The following HTR1D variants were observed in gnomAD, a reference collection of about 807,000 sequenced individuals.
HTR1D encodes the protein 5-HT-1D.
A neutral mutation model predicts 21.1 loss-of-function variants in HTR1D; 18 were observed. That is an observed-to-expected ratio of 0.85 (90% CI 0.59 to 1.27). The LOEUF is 1.27. HTR1D is among the 50% of genes most tolerant of loss of function. The pLI is 0.00. For synonymous variants in HTR1D, 196 were observed against 204.4 expected, an observed-to-expected ratio of 0.96 and a Z score of 0.35; for missense variants, 456 against 481.4, an observed-to-expected ratio of 0.95 and a Z score of 0.49.
chr1:23,202,152 A>G (rs1238186491), intron 1 of HTR1D, among the ~76,000 whole-genome samples: 1 of 151,768 alleles, frequency 6.6e-6, no homozygotes, highest in Non-Finnish European at 1.5e-5. Flanking sequence ...GCTGGAGTGT[A>G]GTGACCCAAT....
chr1:23,215,228 G>A (rs756330942), intron 1 of HTR1D, among the ~76,000 whole-genome samples: 1 of 152,092 alleles, frequency 6.6e-6, no homozygotes, highest in Non-Finnish European at 1.5e-5. Context: ...GCCAGCCTGG[G>A]CAACATGGCG....
intron 1 of HTR1D, among the ~76,000 whole-genome samples, chr1:23,209,419 T>A (rs1377734871): frequency 6.7e-6 from 1 of 149,968 alleles, no homozygotes; most frequent in African/African-American, 2.5e-5. Context: ...TCAGTACAGG[T>A]GATATTACTC....
rs746392653 is a variant in HTR1D, at chr1:23,193,423, T to C, written c.797A>G (p.His266Arg). The C allele has an allele frequency of 3.7e-6, 6 of 1,613,946 alleles. No homozygotes were observed. The Admixed American group carries it at 1.0e-4, about 27-fold the overall frequency. Residue 266 changes from histidine to arginine, a missense_variant, in exon 2 of 2, where the codon CAC (histidine) becomes CGC (arginine). Physicochemically the swap from His to Arg is conservative, Grantham distance 29. Transcript: ENST00000374619. ...LNSSLHEGHS[H>R]SAGSPLFFNH... ...GAAAAAGAGAGGGGAGCCAGCCGAG[T>C]GCGAGTGCCCCTCATGGAGGCTGGA...
Position 23,193,930 on chromosome 1 carries a change from G to A in HTR1D, c.290C>T (p.Ala97Val). Residue 97 changes from alanine to valine, a missense_variant, in exon 2 of 2, where the codon GCC (alanine) becomes GTC (valine). Ala to Val is a moderately conservative substitution (Grantham distance 64). Coordinates refer to ENST00000374619, the MANE Select transcript of HTR1D (RefSeq NM_000864.5). ...VSILVMPISI[A>V]YTITHTWNFG... The stretch of plus-strand genomic sequence containing the variant: ...GTTCCAGGTGTGGGTGATGGTATAG[G>A]CGATGCTGATGGGCATTACCAAGAT... 1 of 1,614,236 alleles carries A rather than the reference G, an allele frequency of 6.2e-7. No individual in the cohort carries two copies. The highest frequency in any genetic ancestry group is 8.5e-7 in the Non-Finnish European group (1 of 1,180,052).
chr1:23,212,263 C>T (rs1476414634), intron 1 of HTR1D, among the ~76,000 whole-genome samples: 1 of 152,184 alleles, frequency 6.6e-6, no homozygotes, highest in African/African-American at 2.4e-5. Context: ...ATACATCACA[C>T]TGGACTCCCC....
At chr1:23,200,719 T>C (rs1228371887) in intron 1 of HTR1D, among the ~76,000 whole-genome samples, 2 of 152,190 alleles carry the variant, frequency 1.3e-5, no homozygotes, top group Non-Finnish European at 2.9e-5. Flanking sequence ...TGGTTCTCTA[T>C]GGTGCATCCA....
At chr1:23,209,155 T>C (rs904069810) in intron 1 of HTR1D, among the ~76,000 whole-genome samples, 6 of 152,112 alleles carry the variant, frequency 3.9e-5, no homozygotes, top group African/African-American at 1.4e-4. Flanking sequence ...ACCACCAGCA[T>C]GCCTGGCTAA....
chr1:23,202,191 G>C (rs539748663), intron 1 of HTR1D, among the ~76,000 whole-genome samples: 11 of 152,090 alleles, frequency 7.2e-5, no homozygotes, highest in African/African-American at 2.7e-4. Context: ...TTGCCTCCCA[G>C]GTTCAACCTA....
chr1:23,208,005 CG>C (rs1188059246), intron 1 of HTR1D, among the ~76,000 whole-genome samples: 1 of 152,070 alleles, frequency 6.6e-6, no homozygotes, highest in East Asian at 1.9e-4. Flanking sequence ...TCAGGTGATC[CG>C]CCCACCTTGG....
intron 1 of HTR1D, among the ~76,000 whole-genome samples, chr1:23,212,359 C>T (rs1047653919): frequency 1.6e-4 from 25 of 152,178 alleles, no homozygotes; most frequent in African/African-American, 5.5e-4. Flanking sequence ...GCCATGAAGC[C>T]CAGTGCCCTG....
At chr1:23,196,264 G>A (rs939589391) in intron 1 of HTR1D, among the ~76,000 whole-genome samples, 3 of 152,014 alleles carry the variant, frequency 2.0e-5, no homozygotes, top group African/African-American at 7.2e-5. Context: ...GACCAACATG[G>A]AGATACCCCG....
chr1:23,199,781 C>A (rs1042785054), intron 1 of HTR1D, among the ~76,000 whole-genome samples: 4 of 152,142 alleles, frequency 2.6e-5, no homozygotes, highest in African/African-American at 9.7e-5. Flanking sequence ...TCTTCGCTCA[C>A]TGCAGCCTCC....
In HTR1D at chr1:23,193,635, G is replaced by A. The variant is rs17850242; in HGVS notation, c.585C>T (p.Ile195=). The A allele has an allele frequency of 6.2e-7, 1 of 1,613,958 alleles. No homozygotes were observed. Among genetic ancestry groups the A allele is most frequent in the Non-Finnish European group, 8.5e-7 (1 of 1,179,914 alleles). The change falls in exon 2 of 2, where the codon ATC becomes ATT. Residue 195 remains isoleucine, a synonymous_variant. Coordinates refer to ENST00000374619, the MANE Select transcript of HTR1D (RefSeq NM_000864.5). ...MSDCLVNTSQ[I]SYTIYSTCGA... Reference sequence around the variant, plus strand: ...CACAGGTGGAGTAGATGGTGTAGGAGATCTGAGAGGTGTTCACCAGACAGT... The same window carrying A: ...CACAGGTGGAGTAGATGGTGTAGGAAATCTGAGAGGTGTTCACCAGACAGT...
intron 1 of HTR1D, among the ~76,000 whole-genome samples, chr1:23,209,459 A>G (rs1359201434): frequency 3.1e-5 from 4 of 129,058 alleles, no homozygotes; most frequent in Non-Finnish European, 4.7e-5. Flanking sequence ...GTCTGTCCTC[A>G]GGGAACTGCA....
intron 1 of HTR1D, among the ~76,000 whole-genome samples, chr1:23,216,668 T>C (rs1644774438): frequency 6.6e-6 from 1 of 152,210 alleles, no homozygotes; most frequent in South Asian, 2.1e-4. Context: ...TACAGAACTT[T>C]ACAGTTTCTA....
intron 1 of HTR1D, among the ~76,000 whole-genome samples, chr1:23,206,255 C>T (rs1458998826): frequency 6.6e-6 from 1 of 152,046 alleles, no homozygotes; most frequent in Non-Finnish European, 1.5e-5. Context: ...TGGTTTCGAT[C>T]TCCTGACCTC....
intron 1 of HTR1D, among the ~76,000 whole-genome samples, chr1:23,209,492 A>T (rs925327837): frequency 5.0e-4 from 44 of 88,822 alleles, no homozygotes; most frequent in Non-Finnish European, 7.4e-4. Flanking sequence ...GGGTTGGGAC[A>T]GTAGGGGGGG....
chr1:23,208,222 A>G (rs563297722), intron 1 of HTR1D, among the ~76,000 whole-genome samples: 1 of 152,304 alleles, frequency 6.6e-6, no homozygotes, highest in South Asian at 2.1e-4. Context: ...TGAGCCCAGG[A>G]GTTCAAGACC....
chr1:23,205,671 G>A (rs1443655713), intron 1 of HTR1D, among the ~76,000 whole-genome samples: 1 of 152,160 alleles, frequency 6.6e-6, no homozygotes, highest in Non-Finnish European at 1.5e-5. Context: ...AGCCTCCCGA[G>A]TAGCTGGGAT....
Sources: allele counts gnomAD v4.1 joint callset (sites outside exome capture counted in the v4.1 genomes callset), GRCh38; gene constraint gnomAD v4.1.1; transcripts MANE v1.5; gene names NCBI Gene and HGNC (gene_info 2026-07-23, HGNC 2026-07-21).